TNR: variants seen among roughly 807,000 people sequenced by gnomAD.
TNR encodes tenascin-R.
A neutral mutation model predicts 150.4 loss-of-function variants in TNR; 45 were observed. The ratio of observed to expected loss-of-function variants is 0.30; its 90% CI spans 0.24 to 0.38. The LOEUF (loss-of-function observed/expected upper bound fraction) is 0.38. Ranked by LOEUF, TNR falls within the 10% of genes least tolerant of loss-of-function variation. The probability of loss-of-function intolerance (pLI) is 1.00; values close to 1 mark genes in which losing one functional copy is unlikely to be tolerated. For synonymous variants in TNR, 687 were observed against 678.4 expected, an observed-to-expected ratio of 1.01 and a Z score of -0.20; for missense variants, 1,544 against 1,759.1, an observed-to-expected ratio of 0.88 and a Z score of 2.19.
At chr1:175,441,773 G>A (rs901529245) in intron 2 of TNR, among the ~76,000 whole-genome samples, 1 of 152,076 alleles carries the variant, frequency 6.6e-6, no homozygotes, top group Non-Finnish European at 1.5e-5. Flanking sequence ...GATGATTTCT[G>A]ACCAGCTATT....
At chr1:175,326,693 A>T (rs912161467) in intron 21 of TNR, among the ~76,000 whole-genome samples, 1 of 152,136 alleles carries the variant, frequency 6.6e-6, no homozygotes, top group Non-Finnish European at 1.5e-5. Context: ...GGTGTGAGAC[A>T]GTCTCGCTCT....
intron 2 of TNR, among the ~76,000 whole-genome samples, chr1:175,518,967 T>C (rs1000865717): frequency 3.3e-5 from 5 of 152,228 alleles, no homozygotes; most frequent in African/African-American, 1.2e-4. Flanking sequence ...TATTATACAC[T>C]GGACATGTAG....
Position 175,354,382 on chromosome 1 carries a change from C to T in TNR, c.3382+9G>A, listed in dbSNP as rs1268011611. ...AGAAGAAGGCATCAAAGTGGCCATG[C>T]TCCCTCACCTGTGGTGAAAGCGGTG... On this transcript the variant is annotated intron_variant, in intron 18 of 22. Transcript: ENST00000367674. The T allele has an allele frequency of 6.2e-7, 1 of 1,613,264 alleles. No individual in the cohort carries two copies. The highest frequency in any genetic ancestry group is 8.5e-7 in the Non-Finnish European group (1 of 1,179,614).
At chr1:175,543,828 G>A (rs1228748305) in intron 1 of TNR, among the ~76,000 whole-genome samples, 1 of 152,112 alleles carries the variant, frequency 6.6e-6, no homozygotes, top group Non-Finnish European at 1.5e-5. Context: ...CTATACTCTG[G>A]TTTCTCTTCA....
At chr1:175,520,674 T>TTC (rs555130537) in intron 2 of TNR, among the ~76,000 whole-genome samples, 9 of 150,824 alleles carry the variant, frequency 6.0e-5, no homozygotes, top group East Asian at 1.9e-4. Flanking sequence ...TTTCCTGCTC[T>TTC]TCTCTCTCTC....
At chr1:175,705,662 A>G (rs1244449737) in intron 1 of TNR, among the ~76,000 whole-genome samples, 1 of 152,134 alleles carries the variant, frequency 6.6e-6, no homozygotes, top group African/African-American at 2.4e-5. Flanking sequence ...TAAATGCCAT[A>G]TTATAAAATG....
intron 3 of TNR, among the ~76,000 whole-genome samples, chr1:175,405,259 T>C (rs1653892903): frequency 6.6e-6 from 1 of 152,244 alleles, no homozygotes; most frequent in African/African-American, 2.4e-5. Context: ...ATACGTTACT[T>C]ACAGAAGCCA....
intron 9 of TNR, among the ~76,000 whole-genome samples, chr1:175,378,789 G>C (rs1571359466): frequency 6.6e-6 from 1 of 152,238 alleles, no homozygotes; most frequent in African/African-American, 2.4e-5. Flanking sequence ...GCAGGGCCTG[G>C]TGTCCACACT....
At chr1:175,731,136 C>CA (rs1246782277) in intron 1 of TNR, among the ~76,000 whole-genome samples, 1 of 152,200 alleles carries the variant, frequency 6.6e-6, no homozygotes, top group Non-Finnish European at 1.5e-5. Flanking sequence ...AGAGATACTG[C>CA]AGAGCCCATG....
At chr1:175,324,103 C>T (rs2101978067) in intron 22 of TNR, among the ~76,000 whole-genome samples, 1 of 152,284 alleles carries the variant, frequency 6.6e-6, no homozygotes, top group African/African-American at 2.4e-5. Context: ...GACTGATAAG[C>T]TCTCTTCATG....
intron 2 of TNR, among the ~76,000 whole-genome samples, chr1:175,461,070 T>C (rs1230669119): frequency 5.9e-5 from 9 of 152,238 alleles, no homozygotes; most frequent in Non-Finnish European, 8.8e-5. Flanking sequence ...TTCAGCTTGT[T>C]TGCCTCTGCT....
chr1:175,643,222 A>T (rs552039007), intron 1 of TNR, among the ~76,000 whole-genome samples: 10 of 151,770 alleles, frequency 6.6e-5, no homozygotes, highest in South Asian at 6.3e-4. Flanking sequence ...TTCCATAATC[A>T]CTCCTGATAT....
intron 1 of TNR, among the ~76,000 whole-genome samples, chr1:175,577,029 G>A (rs1662144606): frequency 6.6e-6 from 1 of 152,070 alleles, no homozygotes; most frequent in East Asian, 1.9e-4. Flanking sequence ...GCCCCCTGGG[G>A]GTTTCAATTC....
Position 175,600,298 on chromosome 1 carries a change from A to T in TNR, c.-164-71929T>A, listed in dbSNP as rs80202751. ...ATTTAGCTATTACTCGTATTATCAT[A>T]AGTATTATTAGTATCAGTCTGGATT... On this transcript the variant is annotated intron_variant, in intron 1 of 22. Coordinates refer to ENST00000367674, the MANE Select transcript of TNR (RefSeq NM_003285.3). Among the ~76,000 whole-genome samples, 1,257 of 152,348 alleles carry T rather than the reference A, an allele frequency of 8.3e-3. 7 individuals are homozygous for T. Among genetic ancestry groups the T allele is most frequent in the East Asian group, 0.031 (163 of 5,190 alleles).
rs202149296 is a variant in TNR, at chr1:175,331,099, TTC to T, written c.3632-866_3632-865del. On this transcript the variant is annotated intron_variant, in intron 20 of 22. Coordinates refer to ENST00000367674, the MANE Select transcript of TNR (RefSeq NM_003285.3). The stretch of plus-strand genomic sequence containing the variant: ...TTTCCTTCTTTCTTTCTTTCTTTCT[TTC>T]TCTCTCTCTTTCTTTTCTTTCTTTC... Among the ~76,000 whole-genome samples, 29 of 106,494 alleles carry T rather than the reference TTC, an allele frequency of 2.7e-4. 2 individuals carry two copies. The South Asian group carries it at 4.0e-3, about 15-fold the overall frequency. The allele number at this position is 106,494 out of a possible 152,430, so 69.9% of individuals were successfully genotyped here.
chr1:175,526,503 G>A (rs991696801), intron 2 of TNR, among the ~76,000 whole-genome samples: 3 of 152,198 alleles, frequency 2.0e-5, no homozygotes, highest in African/African-American at 7.2e-5. Context: ...CCCAGTTTTA[G>A]GCTGCAAAAC....
intron 6 of TNR, 38 bp downstream of exon 6, chr1:175,393,742 A>T: frequency 6.6e-7 from 1 of 1,516,100 alleles, no homozygotes; most frequent in Non-Finnish European, 9.2e-7. Flanking sequence ...CAAATATTCC[A>T]AATAAGTCTG....
chr1:175,351,546 C>G (rs1328201116), intron 18 of TNR, among the ~76,000 whole-genome samples: 1 of 152,200 alleles, frequency 6.6e-6, no homozygotes, highest in Non-Finnish European at 1.5e-5. Context: ...CTTCTGTGCT[C>G]TGCAGCTGAG....
At chr1:175,641,552 A>G (rs1276547218) in intron 1 of TNR, among the ~76,000 whole-genome samples, 1 of 152,194 alleles carries the variant, frequency 6.6e-6, no homozygotes, top group Non-Finnish European at 1.5e-5. Flanking sequence ...TGGGGCAAAG[A>G]GTTTTTACCC....
Sources: allele counts gnomAD v4.1 joint callset (sites outside exome capture counted in the v4.1 genomes callset), GRCh38; gene constraint gnomAD v4.1.1; transcripts MANE v1.5; gene names NCBI Gene and HGNC (gene_info 2026-07-23, HGNC 2026-07-21).